Variants in MAML3 observed in about 807,000 individuals in gnomAD.
MAML3 encodes mastermind like transcriptional coactivator 3, also known as mastermind-like protein 3.
In MAML3, 27 loss-of-function variants were observed where a neutral mutation model predicts 101.9. That is an observed-to-expected ratio of 0.27 (90% confidence interval 0.20 to 0.37). The LOEUF (loss-of-function observed/expected upper bound fraction) is 0.37, where lower values mean the gene tolerates loss of function less well. Among genes scored for constraint, MAML3 ranks in the 10% least tolerant of loss-of-function variants. The pLI is 1.00. For missense variants in MAML3, 1,316 were observed against 1,444.9 expected, an observed-to-expected ratio of 0.91 and a Z score of 1.45; for synonymous variants, 501 against 555.9, an observed-to-expected ratio of 0.90 and a Z score of 1.39.
chr4:140,102,389 C>T (rs1728269091), intron 1 of MAML3, among the ~76,000 whole-genome samples: 1 of 152,174 alleles, frequency 6.6e-6, no homozygotes. Context: ...TCTCACAGTT[C>T]TGGAGGCTGG....
chr4:139,798,030 GAGAGAGAAAGAAAGAA>G (rs1407818648), intron 2 of MAML3, among the ~76,000 whole-genome samples: 1 of 108,948 alleles, frequency 9.2e-6, no homozygotes, highest in African/African-American at 3.3e-5. Context: ...AGAAAGGAGA[GAGAGAGAAAGAAAGAA>G]AGAAAGAAAG....
intron 1 of MAML3, among the ~76,000 whole-genome samples, chr4:139,987,382 T>C (rs1734558240): frequency 6.6e-6 from 1 of 152,188 alleles, no homozygotes; most frequent in Non-Finnish European, 1.5e-5. Flanking sequence ...CTGGTCACCA[T>C]AGCATTGGGT....
chr4:139,935,213 C>CTTTT (rs576839308), intron 1 of MAML3, among the ~76,000 whole-genome samples: 1 of 131,002 alleles, frequency 7.6e-6, no homozygotes, highest in Non-Finnish European at 1.6e-5. Flanking sequence ...CAAGACACCT[C>CTTTT]TTTTTTTTTT....
chr4:140,136,727 T>C (rs976833315), intron 1 of MAML3, among the ~76,000 whole-genome samples: 1 of 152,196 alleles, frequency 6.6e-6, no homozygotes, highest in African/African-American at 2.4e-5. Context: ...GAGTCACGTT[T>C]CTTGAAGGTC....
intron 2 of MAML3, among the ~76,000 whole-genome samples, chr4:139,860,815 C>T (rs970231255): frequency 1.1e-4 from 17 of 152,144 alleles, no homozygotes; most frequent in African/African-American, 3.6e-4. Flanking sequence ...TTGTGGTGGA[C>T]GGATACTGCT....
intron 2 of MAML3, among the ~76,000 whole-genome samples, chr4:139,887,260 C>T (rs1578647736): frequency 6.6e-6 from 1 of 152,086 alleles, no homozygotes; most frequent in Admixed American, 6.6e-5. Context: ...TTTTGAAGCT[C>T]GTTTCAAACA....
rs1456522764 is a variant in MAML3 at position 139,717,117 on chromosome 4, A to ATAAC, written c.*2202_*2205dup. On this transcript the variant is annotated 3_prime_UTR_variant, in exon 5 of 5. Transcript: ENST00000509479. ...CAGTATTGTAAAAACTTATGTACAA[A>ATAAC]TAACTTTTTTTAGACATTACATATA... The ATAAC allele has an allele frequency of 6.6e-6, 1 of 152,574 alleles. No homozygotes were observed. Among genetic ancestry groups the ATAAC allele is most frequent in the African/African-American group, 2.4e-5 (1 of 41,452 alleles). 9.5% of individuals were successfully genotyped at this position (152,574 alleles called of 1,614,324 possible). A position where few individuals can be genotyped will look rare whatever the true frequency, so the allele number is the denominator to read the frequency against.
intron 1 of MAML3, among the ~76,000 whole-genome samples, chr4:139,894,511 A>AAAAGAAAG (rs58209239): frequency 0.071 from 9,643 of 136,330 alleles, 398 homozygotes; most frequent in East Asian, 0.1. Context: ...TCCATCTTAA[A>AAAAGAAAG]AAAGAAAGAA....
chr4:139,727,515 T>G (rs1728523646), intron 3 of MAML3, among the ~76,000 whole-genome samples: 1 of 152,224 alleles, frequency 6.6e-6, no homozygotes, highest in South Asian at 2.1e-4. Context: ...CCTGGCTCTG[T>G]CTCTCTCTAG....
At chr4:140,038,640 C>T (rs1727028216) in intron 1 of MAML3, among the ~76,000 whole-genome samples, 1 of 152,216 alleles carries the variant, frequency 6.6e-6, no homozygotes, top group Admixed American at 6.5e-5. Context: ...ACTGAATGCC[C>T]TGTACCTCAG....
chr4:139,755,970 C>G (rs1038206099), intron 2 of MAML3, among the ~76,000 whole-genome samples: 1 of 152,176 alleles, frequency 6.6e-6, no homozygotes, highest in Non-Finnish European at 1.5e-5. Context: ...GCAGGACTTA[C>G]GTCAAAACAC....
At chr4:140,150,769 G>A (rs1170690489) in intron 1 of MAML3, among the ~76,000 whole-genome samples, 1 of 152,172 alleles carries the variant, frequency 6.6e-6, no homozygotes, top group Non-Finnish European at 1.5e-5. Flanking sequence ...GGCGGGGGCT[G>A]GGAGAGAAAT....
At chr4:139,781,061 A>G (rs1300642734) in intron 2 of MAML3, among the ~76,000 whole-genome samples, 1 of 152,172 alleles carries the variant, frequency 6.6e-6, no homozygotes, top group Non-Finnish European at 1.5e-5. Flanking sequence ...CCCAACTACT[A>G]TAACTGGTTT....
At chr4:139,981,844 T>A (rs1026635109) in intron 1 of MAML3, among the ~76,000 whole-genome samples, 1 of 152,188 alleles carries the variant, frequency 6.6e-6, no homozygotes, top group African/African-American at 2.4e-5. Flanking sequence ...GTTATAGATT[T>A]TCAGGAAGAA....
At chr4:139,780,794 C>G (rs1403806517) in intron 2 of MAML3, among the ~76,000 whole-genome samples, 1 of 151,916 alleles carries the variant, frequency 6.6e-6, no homozygotes, top group Non-Finnish European at 1.5e-5. Flanking sequence ...CCATAGCCAG[C>G]TAATTTTGTA....
At chr4:139,909,836 C>CAAA (rs11379402) in intron 1 of MAML3, among the ~76,000 whole-genome samples, 1,487 of 58,406 alleles carry the variant, frequency 0.025, 150 homozygotes, top group Admixed American at 0.081. Flanking sequence ...GATGCCGTCT[C>CAAA]AAAAAAAAAA....
chr4:139,973,732 A>G (rs966475194), intron 1 of MAML3, among the ~76,000 whole-genome samples: 22 of 152,208 alleles, frequency 1.4e-4, no homozygotes, highest in Admixed American at 1.4e-3. Context: ...AAACAAAAAC[A>G]AAAACCAGCT....
intron 2 of MAML3, among the ~76,000 whole-genome samples, chr4:139,873,980 T>A (rs191159626): frequency 1.2e-4 from 18 of 152,236 alleles, no homozygotes; most frequent in Non-Finnish European, 2.4e-4. Flanking sequence ...TTCTTTACTT[T>A]GGAGTTAAGT....
intron 1 of MAML3, among the ~76,000 whole-genome samples, chr4:139,927,059 T>A (rs1321371519): frequency 1.1e-5 from 1 of 94,810 alleles, no homozygotes; most frequent in Non-Finnish European, 2.3e-5. Flanking sequence ...TTTAATGAGT[T>A]TTTTTCTTTT....
Sources: gnomAD v4.1 joint callset for allele counts (sites outside exome capture counted in the v4.1 genomes callset) on GRCh38, gnomAD v4.1.1 for gene constraint, MANE v1.5 for transcripts, NCBI Gene and HGNC (gene_info 2026-07-23, HGNC 2026-07-21) for gene names.